The following IGSF11 variants were observed in gnomAD, a reference collection of about 807,000 sequenced individuals.
The protein encoded by IGSF11 is immunoglobulin superfamily member 11, also known as CXADR like 1.
In IGSF11, 22 loss-of-function variants were observed where a neutral mutation model predicts 41.0. That is an observed-to-expected ratio of 0.54 (90% confidence interval 0.38 to 0.77). The LOEUF (loss-of-function observed/expected upper bound fraction) is 0.77. Ranked by LOEUF, IGSF11 falls within the 30% of genes least tolerant of loss-of-function variation. The pLI is 0.00. For missense variants in IGSF11, 444 were observed against 530.8 expected (o/e 0.84, Z 1.61); for synonymous variants, 219 against 201.3 (o/e 1.09, Z -0.74).
At chr3:118,951,518 T>G (rs1270020071) in intron 1 of IGSF11, among the ~76,000 whole-genome samples, 1 of 152,180 alleles carries the variant, frequency 6.6e-6, no homozygotes, top group Non-Finnish European at 1.5e-5. Context: ...TCACAAAACA[T>G]CACTTCAAGA....
At chr3:119,111,003 T>A (rs1453534134) in intron 1 of IGSF11, among the ~76,000 whole-genome samples, 2 of 151,854 alleles carry the variant, frequency 1.3e-5, no homozygotes, top group Admixed American at 6.6e-5. Context: ...ACCCGACCTT[T>A]TTCTCTGGCT....
intron 1 of IGSF11, among the ~76,000 whole-genome samples, chr3:119,042,519 C>A (rs1263043589): frequency 6.6e-6 from 1 of 152,102 alleles, no homozygotes; most frequent in Admixed American, 6.5e-5. Context: ...TCCCTGGTGA[C>A]CTGTATGATG....
chr3:119,045,116 G>C (rs1193821686), intron 1 of IGSF11, among the ~76,000 whole-genome samples: 1 of 152,202 alleles, frequency 6.6e-6, no homozygotes, highest in Non-Finnish European at 1.5e-5. Context: ...TGGCAGAACG[G>C]ATAAAATCCC....
At chr3:119,097,763 A>G (rs1317531704) in intron 1 of IGSF11, among the ~76,000 whole-genome samples, 1 of 151,830 alleles carries the variant, frequency 6.6e-6, no homozygotes, top group Non-Finnish European at 1.5e-5. Context: ...GATGCTGTTT[A>G]TTTTTCCAAG....
intron 1 of IGSF11, among the ~76,000 whole-genome samples, chr3:119,001,909 G>A (rs1354582628): frequency 1.5e-5 from 2 of 133,360 alleles, no homozygotes; most frequent in Non-Finnish European, 3.1e-5. Flanking sequence ...CTTTGCTATT[G>A]TGAATAATGC....
intron 1 of IGSF11, among the ~76,000 whole-genome samples, chr3:119,099,591 A>G (rs1275309120): frequency 1.3e-5 from 2 of 152,214 alleles, no homozygotes; most frequent in African/African-American, 4.8e-5. Context: ...ACTACTACAC[A>G]TGAGTAGAAA....
chr3:119,050,805 A>T (rs910924002), intron 1 of IGSF11, among the ~76,000 whole-genome samples: 1 of 151,952 alleles, frequency 6.6e-6, no homozygotes, highest in Non-Finnish European at 1.5e-5. Flanking sequence ...ACCATGGAAT[A>T]CTATGCAGCC....
upstream of IGSF11, among the ~76,000 whole-genome samples, chr3:119,106,702 G>T (rs1231013201): frequency 6.6e-6 from 1 of 151,950 alleles, no homozygotes; most frequent in African/African-American, 2.4e-5. Flanking sequence ...TCGTCGTTTA[G>T]CATCAGGTAT....
chr3:118,967,938 A>C (rs1317708326), intron 1 of IGSF11, among the ~76,000 whole-genome samples: 1 of 152,132 alleles, frequency 6.6e-6, no homozygotes, highest in Non-Finnish European at 1.5e-5. Flanking sequence ...CAATAACTTT[A>C]ATGTGACACA....
chr3:119,132,687 A>G (rs1454319441), intron 1 of IGSF11, among the ~76,000 whole-genome samples: 1 of 152,124 alleles, frequency 6.6e-6, no homozygotes, highest in Non-Finnish European at 1.5e-5. Context: ...AAGGATATCC[A>G]GGACTTGAAC....
intron 1 of IGSF11, among the ~76,000 whole-genome samples, chr3:119,124,369 C>T (rs7651570): frequency 0.22 from 32,103 of 145,694 alleles, 3,827 homozygotes; most frequent in South Asian, 0.31. Flanking sequence ...CGGGTTCAAG[C>T]GATTTTCATG....
intron 1 of IGSF11, among the ~76,000 whole-genome samples, chr3:118,936,806 G>A (rs1224987786): frequency 6.6e-6 from 1 of 152,102 alleles, no homozygotes; most frequent in African/African-American, 2.4e-5. Context: ...AAACCTCTTG[G>A]TACATGTTAG....
chr3:119,125,215 T>G lies in IGSF11; in HGVS notation c.-13-20010A>C, dbSNP rs530965651. On this transcript the variant is annotated intron_variant, in intron 1 of 7. Transcript: ENST00000425327. Reference sequence around the variant, plus strand: ...TGTTAATGAGCAATAAGAAATCATCTGAAAGGGCCGGCAGTGCCAAGATGG... The same window carrying G: ...TGTTAATGAGCAATAAGAAATCATCGGAAAGGGCCGGCAGTGCCAAGATGG... 4.6e-5 allele frequency among the ~76,000 whole-genome samples: 7 copies of G among 152,318 alleles called. 1 individual carries two copies. The South Asian group carries it at 1.2e-3, about 27-fold the overall frequency.
At chr3:119,044,152 C>T (rs563978008) in intron 1 of IGSF11, among the ~76,000 whole-genome samples, 1 of 152,068 alleles carries the variant, frequency 6.6e-6, no homozygotes, top group Admixed American at 6.5e-5. Context: ...TTAAAGAAAC[C>T]TAAAAAACAA....
At chr3:118,916,244 T>A (rs917495382) in intron 4 of IGSF11, among the ~76,000 whole-genome samples, 13 of 150,930 alleles carry the variant, frequency 8.6e-5, no homozygotes, top group Non-Finnish European at 1.6e-4. Context: ...AGGATCAAAT[T>A]CACACATAAC....
intron 1 of IGSF11, among the ~76,000 whole-genome samples, chr3:119,068,085 TTCTC>T (rs2107462503): frequency 6.6e-6 from 1 of 152,300 alleles, no homozygotes; most frequent in South Asian, 2.1e-4. Context: ...AGTACTTAGG[TTCTC>T]TCAGCTTTCC....
intron 1 of IGSF11, among the ~76,000 whole-genome samples, chr3:119,004,828 T>G (rs1014873177): frequency 6.6e-6 from 1 of 152,060 alleles, no homozygotes; most frequent in Non-Finnish European, 1.5e-5. Context: ...GTCTGAGAGA[T>G]AGTTTGTTAT....
chr3:119,012,771 T>A (rs2107697063), intron 1 of IGSF11: 1 of 152,314 alleles, frequency 6.6e-6, no homozygotes, highest in African/African-American at 2.4e-5. Context: ...ATGAGGAATC[T>A]CACATGATCT....
intron 1 of IGSF11, among the ~76,000 whole-genome samples, chr3:119,089,834 G>A (rs923844604): frequency 2.0e-5 from 3 of 152,098 alleles, no homozygotes; most frequent in Non-Finnish European, 2.9e-5. Context: ...AGACCAGCCC[G>A]GCCAACATGG....
Sources: gnomAD v4.1 joint callset for allele counts (sites outside exome capture counted in the v4.1 genomes callset) on GRCh38, gnomAD v4.1.1 for gene constraint, MANE v1.5 for transcripts, NCBI Gene and HGNC (gene_info 2026-07-23, HGNC 2026-07-21) for gene names.